The following EYS variants were observed in gnomAD, a reference collection of about 807,000 sequenced individuals.
EYS encodes the protein EGF-like photoreceptor maintenance factor.
A neutral mutation model predicts 282.1 loss-of-function variants in EYS; 250 were observed. The observed-to-expected ratio is 0.89, with a 90% CI of 0.80 to 0.98. The LOEUF is 0.98. Among genes scored for constraint, EYS ranks in the 50% least tolerant of loss-of-function variants. The pLI is 0.00. For synonymous variants in EYS, 1,355 were observed against 1,282.9 expected (o/e 1.06, Z -1.20); for missense variants, 4,016 against 3,709.0 (o/e 1.08, Z -2.15).
At chr6:65,053,466 T>C (rs1261011770) in intron 13 of EYS, among the ~76,000 whole-genome samples, 1 of 151,806 alleles carries the variant, frequency 6.6e-6, no homozygotes, top group African/African-American at 2.4e-5. Context: ...GTAAGAGTCA[T>C]CTACTTCTTA....
In EYS at chr6:64,886,848, G is replaced by T. The variant is rs1275375749; in HGVS notation, c.2847-6C>A. ...GTTCACAATTACAAAAAAATCTGGA[G>T]AAAAGTGGAGAAATGAGGAATAGCC... On this transcript the variant is annotated splice_polypyrimidine_tract_variant and splice_region_variant and intron_variant, in intron 18 of 42. Transcript: ENST00000503581. 6.7e-7 allele frequency: 1 copy of T among 1,494,436 alleles called. No homozygotes were observed. The allele number at this position is 1,494,436 out of a possible 1,614,324, so 92.6% of individuals were successfully genotyped here. A position where few individuals can be genotyped will look rare whatever the true frequency, so the allele number is the denominator to read the frequency against.
At chr6:64,536,073 T>C (rs887046067) in intron 26 of EYS, among the ~76,000 whole-genome samples, 1 of 152,056 alleles carries the variant, frequency 6.6e-6, no homozygotes, top group Non-Finnish European at 1.5e-5. Flanking sequence ...CAACTATATG[T>C]TATTAAACAT....
At chr6:63,973,812 A>G (rs187986424) in intron 35 of EYS, among the ~76,000 whole-genome samples, 2 of 152,246 alleles carry the variant, frequency 1.3e-5, no homozygotes, top group East Asian at 3.9e-4. Flanking sequence ...TGTAGTTTAT[A>G]TACTCTCAAG....
intron 41 of EYS, among the ~76,000 whole-genome samples, chr6:63,734,232 C>G (rs1386080122): frequency 3.9e-5 from 6 of 152,114 alleles, no homozygotes; most frequent in African/African-American, 1.4e-4. Flanking sequence ...ATGCAGCACA[C>G]TCTTGTAACA....
chr6:64,407,873 A>C (rs1773771279), intron 28 of EYS, among the ~76,000 whole-genome samples: 1 of 152,078 alleles, frequency 6.6e-6, no homozygotes, highest in Non-Finnish European at 1.5e-5. Context: ...CTGAGATTAC[A>C]GGTGTCCACA....
At chr6:65,266,905 T>C (rs904529266) in intron 12 of EYS, among the ~76,000 whole-genome samples, 1 of 149,140 alleles carries the variant, frequency 6.7e-6, no homozygotes, top group Non-Finnish European at 1.5e-5. Flanking sequence ...TATATATATA[T>C]ATACATCTTG....
rs9445439 is a variant in EYS at position 64,936,616 on chromosome 6, T to A, written c.2381+9177A>T. Among the ~76,000 whole-genome samples the A allele has an allele frequency of 4.6e-5, 7 of 151,214 alleles. No homozygotes were observed. The East Asian group carries it at 1.4e-3, about 29-fold the overall frequency. On this transcript the variant is annotated intron_variant, in intron 15 of 42. Coordinates refer to ENST00000503581, the MANE Select transcript of EYS (RefSeq NM_001142800.2). ...ATCATCAATATACAAAAATCAGTGC[T>A]GTCTCTATACACTAGCAAAGAACAA... is the stretch of plus-strand genomic sequence containing the variant.
At chr6:64,049,941 A>G (rs1264992960) in intron 33 of EYS, among the ~76,000 whole-genome samples, 1 of 152,132 alleles carries the variant, frequency 6.6e-6, no homozygotes, top group Non-Finnish European at 1.5e-5. Context: ...CAGAGCCAGC[A>G]CACACTCCAG....
At chr6:65,368,002 A>G (rs994063500) in intron 8 of EYS, among the ~76,000 whole-genome samples, 7 of 151,632 alleles carry the variant, frequency 4.6e-5, no homozygotes, top group African/African-American at 1.7e-4. Flanking sequence ...ACAGTTCAGC[A>G]TGGGTGGGAA....
chr6:64,822,627 G>A lies in EYS; in HGVS notation c.3164+24C>T, dbSNP rs1406940745. 6.0e-6 allele frequency: 9 copies of A among 1,498,886 alleles called. No individual in the cohort carries two copies. The Admixed American group carries it at 7.4e-5, about 12-fold the overall frequency. The allele number at this position is 1,498,886 out of a possible 1,614,324, so 92.8% of individuals were successfully genotyped here. A position where few individuals can be genotyped will look rare whatever the true frequency, so the allele number is the denominator to read the frequency against. Reference sequence around the variant, plus strand: ...TGTGAGTTAAATATACTTTCATAAAGCTAATAATAAAAAAAATAGCTACCT... The same window carrying A: ...TGTGAGTTAAATATACTTTCATAAAACTAATAATAAAAAAAATAGCTACCT... On this transcript the variant is annotated intron_variant, in intron 20 of 42. Transcript: ENST00000503581.
At chr6:65,218,505 T>C (rs1766376011) in intron 12 of EYS, among the ~76,000 whole-genome samples, 2 of 152,128 alleles carry the variant, frequency 1.3e-5, no homozygotes, top group South Asian at 2.1e-4. Context: ...GAGATGACAA[T>C]GTACCAGTTG....
At chr6:64,020,099 T>C (rs562277982) in intron 33 of EYS, among the ~76,000 whole-genome samples, 7 of 152,126 alleles carry the variant, frequency 4.6e-5, no homozygotes, top group Admixed American at 6.5e-5. Flanking sequence ...TTTATTGCTA[T>C]TCAAATAGAG....
intron 14 of EYS, among the ~76,000 whole-genome samples, chr6:64,947,588 G>A (rs1769330563): frequency 6.7e-6 from 1 of 148,224 alleles, no homozygotes; most frequent in Admixed American, 6.7e-5. Context: ...TCCCTACATT[G>A]TTAACTTCCT....
intron 8 of EYS, among the ~76,000 whole-genome samples, chr6:65,379,204 G>A (rs954849723): frequency 3.3e-5 from 5 of 152,006 alleles, no homozygotes; most frequent in Non-Finnish European, 5.9e-5. Context: ...GAACTTCGAC[G>A]TGAAAATCCT....
At chr6:64,874,862 C>T (rs964415829) in intron 19 of EYS, among the ~76,000 whole-genome samples, 6 of 151,992 alleles carry the variant, frequency 3.9e-5, no homozygotes, top group African/African-American at 1.5e-4. Flanking sequence ...AGGTAGTTCA[C>T]ATCGTGTATG....
chr6:65,295,924 A>G lies in EYS; in HGVS notation c.1962T>C (p.Asn654=). The G allele has an allele frequency of 6.4e-7, 1 of 1,550,872 alleles. No homozygotes were observed. Among genetic ancestry groups the G allele is most frequent in the Non-Finnish European group, 8.7e-7 (1 of 1,146,454 alleles). The change falls in exon 12 of 43, where the codon AAT becomes AAC. Residue 654 remains asparagine (N), a synonymous_variant. Transcript: ENST00000503581. ...TEDCKSASCK[N]GTTSTHLRGY... is the part of the protein sequence containing the mutation. ...CCCTTAAATGTGTACTAGTTGTTCC[A>G]TTTTTGCAGGACGCAGATTTGCAGT...
Position 64,993,392 on chromosome 6 carries a change from C to T in EYS, c.2259+4190G>A, listed in dbSNP as rs144842739. Reference sequence around the variant, plus strand: ...TATATATACACCATGGACTACTACGCAGCCATAAAAAATGATGAGTTCACG... The same window carrying T: ...TATATATACACCATGGACTACTACGTAGCCATAAAAAATGATGAGTTCACG... On this transcript the variant is annotated intron_variant, in intron 14 of 42. Transcript: ENST00000503581. Among the ~76,000 whole-genome samples, 370 of 151,774 alleles carry T rather than the reference C, an allele frequency of 2.4e-3. 2 individuals are homozygous for T. The highest frequency in any genetic ancestry group is 8.4e-3 in the African/African-American group (349 of 41,420).
intron 1 of EYS, among the ~76,000 whole-genome samples, chr6:65,661,798 C>T (rs142035847): frequency 1.3e-5 from 2 of 152,224 alleles, no homozygotes; most frequent in Admixed American, 1.3e-4. Context: ...AGGAACAATA[C>T]ACAGTCTGGT....
intron 29 of EYS, among the ~76,000 whole-genome samples, chr6:64,316,581 A>G (rs1769974330): frequency 6.6e-6 from 1 of 152,194 alleles, no homozygotes; most frequent in Non-Finnish European, 1.5e-5. Context: ...AACAAATGGA[A>G]AAACATTCCA....
Sources: allele counts gnomAD v4.1 joint callset (sites outside exome capture counted in the v4.1 genomes callset), GRCh38; gene constraint gnomAD v4.1.1; transcripts MANE v1.5; gene names NCBI Gene and HGNC (gene_info 2026-07-23, HGNC 2026-07-21).